NRG1: variants seen among roughly 807,000 people sequenced by gnomAD.
NRG1 encodes pro-neuregulin-1, membrane-bound isoform.
NRG1 carries 18 observed loss-of-function variants against 63.8 expected under a neutral mutation model. The ratio of observed to expected loss-of-function variants is 0.28; its 90% CI spans 0.19 to 0.42. The LOEUF is 0.42. NRG1 is among the 10% of genes least tolerant of loss of function. The probability of loss-of-function intolerance (pLI) is 1.00; values close to 1 mark genes in which losing one functional copy is unlikely to be tolerated. For missense variants in NRG1, 762 were observed against 814.7 expected, an observed-to-expected ratio of 0.94 and a Z score of 0.79; for synonymous variants, 302 against 301.3, an observed-to-expected ratio of 1.00 and a Z score of -0.02.
intron 5 of NRG1, among the ~76,000 whole-genome samples, chr8:32,618,446 T>C (rs1348741103): frequency 5.3e-5 from 8 of 152,172 alleles, no homozygotes; most frequent in Non-Finnish European, 1.2e-4. Context: ...GAAATAAATC[T>C]CTCAGTTTAT....
chr8:32,416,686 G>T (rs13252814), intron 1 of NRG1, among the ~76,000 whole-genome samples: 147,403 of 152,152 alleles, frequency 0.97, 71,570 homozygotes, highest in East Asian at 1. Flanking sequence ...TGTTTTTTGT[G>T]GTTGTTTTGT....
chr8:32,344,602 A>ATTTTTTTTTTTTTTTT (rs61448713), intron 1 of NRG1, among the ~76,000 whole-genome samples: 7 of 101,184 alleles, frequency 6.9e-5, no homozygotes, highest in African/African-American at 8.4e-5. Context: ...ACACTCAGCT[A>ATTTTTTTTTTTTTTTT]TTTTTTTTTT....
At chr8:31,676,922 C>A (rs1175215231) in intron 1 of NRG1, among the ~76,000 whole-genome samples, 1 of 152,166 alleles carries the variant, frequency 6.6e-6, no homozygotes, top group Non-Finnish European at 1.5e-5. Context: ...GTCTGGCACT[C>A]TGCAAGCATC....
intron 5 of NRG1, among the ~76,000 whole-genome samples, chr8:32,677,061 T>C (rs1807315026): frequency 6.6e-6 from 1 of 151,938 alleles, no homozygotes; most frequent in African/African-American, 2.4e-5. Context: ...GAAAATACTT[T>C]TTTAATGATT....
At chr8:32,490,441 A>T (rs181517875) in intron 1 of NRG1, among the ~76,000 whole-genome samples, 74 of 152,194 alleles carry the variant, frequency 4.9e-4, no homozygotes, top group African/African-American at 1.7e-3. Context: ...CTCTGTGCAA[A>T]TGAACAGGTA....
At chr8:31,641,044 T>C (rs547832998) in intron 1 of NRG1, among the ~76,000 whole-genome samples, 17 of 152,298 alleles carry the variant, frequency 1.1e-4, no homozygotes, top group Non-Finnish European at 1.3e-4. Context: ...TTGTGGGTGA[T>C]ATGAACTTGG....
chr8:32,149,655 G>C (rs866146953), intron 1 of NRG1, among the ~76,000 whole-genome samples: 2 of 152,254 alleles, frequency 1.3e-5, no homozygotes, highest in South Asian at 4.2e-4. Context: ...TATATTTGTT[G>C]ATTGTTTTGA....
chr8:31,780,679 C>T (rs1055544780), intron 1 of NRG1, among the ~76,000 whole-genome samples: 2 of 152,190 alleles, frequency 1.3e-5, no homozygotes, highest in East Asian at 3.9e-4. Flanking sequence ...TCTTAGTTCC[C>T]CTTTTTCCTC....
At chr8:32,274,876 T>A (rs1259236716) in intron 1 of NRG1, among the ~76,000 whole-genome samples, 1 of 152,156 alleles carries the variant, frequency 6.6e-6, no homozygotes, top group South Asian at 2.1e-4. Flanking sequence ...AAAAATCCCA[T>A]GCATTTTGGA....
chr8:32,515,720 A>G (rs1380798746), intron 1 of NRG1, among the ~76,000 whole-genome samples: 1 of 152,168 alleles, frequency 6.6e-6, no homozygotes, highest in African/African-American at 2.4e-5. Flanking sequence ...GATTACAGGC[A>G]TAAGCCACTA....
intron 1 of NRG1, among the ~76,000 whole-genome samples, chr8:31,925,422 C>T (rs999849484): frequency 1.3e-5 from 2 of 151,670 alleles, no homozygotes; most frequent in Non-Finnish European, 2.9e-5. Context: ...TTATTCAATT[C>T]ATGTAAACCC....
intron 1 of NRG1, among the ~76,000 whole-genome samples, chr8:32,130,461 A>G (rs183918304): frequency 2.4e-4 from 37 of 151,974 alleles, no homozygotes; most frequent in African/African-American, 8.7e-4. Flanking sequence ...ACTACTTACT[A>G]ATGTTCATTG....
At chr8:31,716,974 ATACT>A (rs766209598) in intron 1 of NRG1, among the ~76,000 whole-genome samples, 1 of 152,248 alleles carries the variant, frequency 6.6e-6, no homozygotes, top group African/African-American at 2.4e-5. Context: ...CCTCAAGGTA[ATACT>A]TACAGTTCAT....
At chr8:32,095,458 A>G (rs1485141302) in intron 1 of NRG1, among the ~76,000 whole-genome samples, 1 of 152,234 alleles carries the variant, frequency 6.6e-6, no homozygotes, top group African/African-American at 2.4e-5. Flanking sequence ...AAATGAATCT[A>G]AATTCTTTTC....
At chr8:32,707,172 A>G (rs1271420001) in intron 5 of NRG1, among the ~76,000 whole-genome samples, 2 of 152,070 alleles carry the variant, frequency 1.3e-5, no homozygotes, top group East Asian at 3.9e-4. Context: ...AATTTGTAAC[A>G]AATTATTAGA....
intron 1 of NRG1, among the ~76,000 whole-genome samples, chr8:32,226,563 TA>T (rs998059994): frequency 1.1e-4 from 17 of 152,154 alleles, no homozygotes; most frequent in Non-Finnish European, 2.2e-4. Context: ...CCTTTTTTTC[TA>T]AAAAAATATT....
chr8:32,097,790 A>T (rs988371784), intron 1 of NRG1, among the ~76,000 whole-genome samples: 1 of 152,230 alleles, frequency 6.6e-6, no homozygotes, highest in African/African-American at 2.4e-5. Context: ...GTAAGACAAT[A>T]TGAGACAGCA....
intron 1 of NRG1, among the ~76,000 whole-genome samples, chr8:32,535,927 G>A (rs1206943634): frequency 6.6e-6 from 1 of 152,138 alleles, no homozygotes; most frequent in Non-Finnish European, 1.5e-5. Context: ...TAGCAGAGCA[G>A]AGATCATTAC....
At chr8:32,119,662 A>C (rs1413636577) in intron 1 of NRG1, among the ~76,000 whole-genome samples, 2 of 152,068 alleles carry the variant, frequency 1.3e-5, no homozygotes, top group Non-Finnish European at 2.9e-5. Flanking sequence ...CATGGACATG[A>C]GCTCCTCCAT....
Sources: allele counts gnomAD v4.1 joint callset (sites outside exome capture counted in the v4.1 genomes callset), GRCh38; gene constraint gnomAD v4.1.1; transcripts MANE v1.5; gene names NCBI Gene and HGNC (gene_info 2026-07-23, HGNC 2026-07-21).